The following EFNB2 variants were observed in gnomAD, a reference collection of about 807,000 sequenced individuals.
The protein encoded by EFNB2 is ephrin-B2.
Under a neutral mutation model 32.1 loss-of-function variants are expected in EFNB2, and 5 were observed. The observed-to-expected ratio is 0.16, with a 90% confidence interval of 0.08 to 0.33. The LOEUF is 0.33. Ranked by LOEUF, EFNB2 falls within the 10% of genes least tolerant of loss-of-function variation. EFNB2 has a pLI of 1.00. For missense variants in EFNB2, 263 were observed against 422.6 expected, an observed-to-expected ratio of 0.62 and a Z score of 3.31; for synonymous variants, 168 against 166.5, an observed-to-expected ratio of 1.01 and a Z score of -0.07.
intron 2 of EFNB2, among the ~76,000 whole-genome samples, chr13:106,508,344 T>TA (rs920064079): frequency 2.0e-5 from 3 of 152,074 alleles, no homozygotes; most frequent in African/African-American, 7.2e-5. Flanking sequence ...TCATGAACAT[T>TA]AAAAAAAACT....
intron 1 of EFNB2, among the ~76,000 whole-genome samples, chr13:106,521,939 A>T (rs10508176): frequency 0.041 from 6,247 of 152,154 alleles, 179 homozygotes; most frequent in Non-Finnish European, 0.058. Flanking sequence ...TGATCCCCAA[A>T]TATCATTGTT....
intron 1 of EFNB2, among the ~76,000 whole-genome samples, chr13:106,530,645 T>C (rs1297728827): frequency 6.6e-6 from 1 of 152,244 alleles, no homozygotes; most frequent in African/African-American, 2.4e-5. Context: ...GTCTACAATC[T>C]GTATTTCCTT....
rs1347138571 is a variant in EFNB2 at position 106,515,638 on chromosome 13, A to C, written c.123-2826T>G. Among the ~76,000 whole-genome samples the C allele has an allele frequency of 3.9e-5, 6 of 152,196 alleles. No individual in the cohort carries two copies. In the East Asian group the frequency reaches 1.2e-3, roughly 29 times the overall value. Reference sequence around the variant, plus strand: ...TCAATACAAAAGGCCCCAATCCTTGAGTGGTTTAGCAGCTTTTACTTTTTA... The same window carrying C: ...TCAATACAAAAGGCCCCAATCCTTGCGTGGTTTAGCAGCTTTTACTTTTTA... On this transcript the variant is annotated intron_variant, in intron 1 of 4. Transcript: ENST00000646441.
At chr13:106,520,680 A>T (rs1879480117) in intron 1 of EFNB2, 1 of 152,240 alleles carries the variant, frequency 6.6e-6, no homozygotes, top group Non-Finnish European at 1.5e-5. Context: ...TGAATGCCCC[A>T]AACATAAGAG....
At chr13:106,500,738 T>C (rs888404677) in intron 2 of EFNB2, among the ~76,000 whole-genome samples, 1 of 152,248 alleles carries the variant, frequency 6.6e-6, no homozygotes, top group Admixed American at 6.5e-5. Flanking sequence ...CCTCACATGC[T>C]AGCCTTGCTA....
rs1566466126 is a variant in EFNB2, at chr13:106,535,368, G to C, written c.-404C>G. The stretch of plus-strand genomic sequence containing the variant: ...GGGCGGCGGGCGCTGCGCCCCGAGC[G>C]GGGCCGCCTGTGACTATAGATCCAG... On this transcript the variant is annotated 5_prime_UTR_variant, in exon 1 of 5. Coordinates refer to ENST00000646441, the MANE Select transcript of EFNB2 (RefSeq NM_004093.4). 6.6e-6 allele frequency: 1 copy of C among 150,738 alleles called. No homozygotes were observed. The highest frequency in any genetic ancestry group is 1.5e-5 in the Non-Finnish European group (1 of 67,720). The allele number at this position is 150,738 out of a possible 1,614,324, so 9.3% of individuals were successfully genotyped here. A position where few individuals can be genotyped will look rare whatever the true frequency, so the allele number is the denominator to read the frequency against.
At chr13:106,523,709 A>G (rs1420070569) in intron 1 of EFNB2, among the ~76,000 whole-genome samples, 1 of 152,228 alleles carries the variant, frequency 6.6e-6, no homozygotes, top group Non-Finnish European at 1.5e-5. Context: ...ATCAAAAGCC[A>G]GATGGGCTGT....
At chr13:106,530,353 A>G (rs1488813213) in intron 1 of EFNB2, among the ~76,000 whole-genome samples, 2 of 152,166 alleles carry the variant, frequency 1.3e-5, no homozygotes, top group Non-Finnish European at 2.9e-5. Context: ...TATTTTAATC[A>G]AAATATTTTA....
At chr13:106,527,292 A>G (rs188778942) in intron 1 of EFNB2, among the ~76,000 whole-genome samples, 40 of 151,852 alleles carry the variant, frequency 2.6e-4, no homozygotes, top group South Asian at 1.9e-3. Context: ...AAAAACAACA[A>G]TAAAATAAAA....
chr13:106,501,632 A>G (rs1167763212), intron 2 of EFNB2, among the ~76,000 whole-genome samples: 4 of 150,650 alleles, frequency 2.7e-5, no homozygotes, highest in East Asian at 1.9e-4. Flanking sequence ...TCGCTCTGTC[A>G]CCCAGGCTGG....
intron 1 of EFNB2, chr13:106,521,241 T>G (rs1879509637): frequency 6.7e-6 from 1 of 149,732 alleles, no homozygotes; most frequent in African/African-American, 2.5e-5. Flanking sequence ...GGGTGGGGGG[T>G]ACAATTCACA....
chr13:106,528,121 T>C (rs1293211770), intron 1 of EFNB2, among the ~76,000 whole-genome samples: 1 of 152,186 alleles, frequency 6.6e-6, no homozygotes, highest in Non-Finnish European at 1.5e-5. Context: ...GGGTAGCCTC[T>C]CTCTGATGAA....
rs1009221014 is a variant in EFNB2, at chr13:106,491,535, C to T, written c.*1505G>A. 2 of 152,502 alleles carry T rather than the reference C, an allele frequency of 1.3e-5. No homozygotes were observed. The highest frequency in any genetic ancestry group is 2.1e-4 in the South Asian group (1 of 4,816). The allele number at this position is 152,502 out of a possible 1,614,324, so 9.4% of individuals were successfully genotyped here. A position where few individuals can be genotyped will look rare whatever the true frequency, so the allele number is the denominator to read the frequency against. Reference sequence around the variant, plus strand: ...GTGTTCTATATACCTATTATAAATACGTCCTATCTTCCTTCTCCCCCTGGA... The same window carrying T: ...GTGTTCTATATACCTATTATAAATATGTCCTATCTTCCTTCTCCCCCTGGA... On this transcript the variant is annotated 3_prime_UTR_variant, in exon 5 of 5. Transcript: ENST00000646441.
At chr13:106,498,291 A>G (rs569791012) in intron 2 of EFNB2, among the ~76,000 whole-genome samples, 1 of 152,364 alleles carries the variant, frequency 6.6e-6, no homozygotes, top group East Asian at 1.9e-4. Flanking sequence ...GAGTATCAGC[A>G]AGAGAAAAAC....
At chr13:106,513,506 T>A (rs909529096) in intron 1 of EFNB2, among the ~76,000 whole-genome samples, 2 of 152,108 alleles carry the variant, frequency 1.3e-5, no homozygotes, top group African/African-American at 4.8e-5. Context: ...CTATAAATCT[T>A]TTTTTTTCTT....
rs769201246 is a variant in EFNB2, at chr13:106,512,825, GA to G, written c.123-14del. 5.2e-6 allele frequency: 8 copies of G among 1,532,888 alleles called. No individual in the cohort carries two copies. Among genetic ancestry groups the G allele is most frequent in the Admixed American group, 2.1e-5 (1 of 48,672 alleles). The allele number at this position is 1,532,888 out of a possible 1,614,324, so 95.0% of individuals were successfully genotyped here. On this transcript the variant is annotated splice_polypyrimidine_tract_variant and intron_variant, in intron 1 of 4. Coordinates refer to ENST00000646441, the MANE Select transcript of EFNB2 (RefSeq NM_004093.4). ...TCCAGGTAGAAATCTAAAAGCATAA[GA>G]AAAAAAAGCCATTGAGTTGATAAAA...
chr13:106,522,224 C>T (rs938138150), intron 1 of EFNB2, among the ~76,000 whole-genome samples: 16 of 152,258 alleles, frequency 1.1e-4, no homozygotes, highest in African/African-American at 3.4e-4. Context: ...GGCTTGATCA[C>T]GCCAGCTCCA....
intron 3 of EFNB2, 132 bp from the exon 4 acceptor site, chr13:106,495,126 C>T: frequency 1.5e-6 from 1 of 685,884 alleles, no homozygotes; most frequent in South Asian, 1.9e-5. Flanking sequence ...CTGTGAAATA[C>T]AAGAATATAA....
intron 2 of EFNB2, among the ~76,000 whole-genome samples, chr13:106,504,424 T>C (rs114714693): frequency 0.02 from 3,013 of 152,256 alleles, 95 homozygotes; most frequent in African/African-American, 0.068. Flanking sequence ...ACAGCTTAGA[T>C]GGACATCACA....
Sources: allele counts gnomAD v4.1 joint callset (sites outside exome capture counted in the v4.1 genomes callset), GRCh38; gene constraint gnomAD v4.1.1; transcripts MANE v1.5; gene names NCBI Gene and HGNC (gene_info 2026-07-23, HGNC 2026-07-21).